Variants in EPN2 observed in about 807,000 individuals in gnomAD.
The protein encoded by EPN2 is epsin 2, also known as epsin-2.
A neutral mutation model predicts 61.7 loss-of-function variants in EPN2; 34 were observed. That is an observed-to-expected ratio of 0.55 (90% CI 0.42 to 0.73). EPN2 has a LOEUF of 0.73. Ranked by LOEUF, EPN2 falls within the 30% of genes least tolerant of loss-of-function variation. EPN2 has a pLI of 0.00. For missense variants in EPN2, 714 were observed against 839.2 expected (o/e 0.85, Z 1.84); for synonymous variants, 349 against 353.6 (o/e 0.99, Z 0.15).
At chr17:19,247,493 C>G (rs540559653) in intron 1 of EPN2, among the ~76,000 whole-genome samples, 20 of 152,298 alleles carry the variant, frequency 1.3e-4, no homozygotes, top group African/African-American at 4.8e-4. Context: ...AACAGTATCC[C>G]TAAGTGGAAG....
intron 1 of EPN2, among the ~76,000 whole-genome samples, chr17:19,248,059 T>C (rs758099640): frequency 6.6e-6 from 1 of 152,190 alleles, no homozygotes; most frequent in African/African-American, 2.4e-5. Flanking sequence ...GTTGAGAAGC[T>C]GAGCTGTGTG....
intron 4 of EPN2, among the ~76,000 whole-genome samples, chr17:19,286,717 A>G (rs1597995452): frequency 6.6e-6 from 1 of 152,270 alleles, no homozygotes; most frequent in East Asian, 1.9e-4. Flanking sequence ...TGACTTGGGT[A>G]TTTGTGTAAT....
chr17:19,307,269 T>C (rs1236617591), intron 4 of EPN2, among the ~76,000 whole-genome samples: 1 of 152,236 alleles, frequency 6.6e-6, no homozygotes, highest in Non-Finnish European at 1.5e-5. Flanking sequence ...GGGATTTGAC[T>C]TGATTTTATT....
chr17:19,284,436 G>C (rs574024054), intron 3 of EPN2, among the ~76,000 whole-genome samples: 190 of 152,246 alleles, frequency 1.2e-3, no homozygotes, highest in Non-Finnish European at 2.2e-3. Context: ...CATTGGAAGT[G>C]GTCCCCCAAC....
chr17:19,309,910 G>C lies in EPN2; in HGVS notation c.792G>C (p.Glu264Asp). The change falls in exon 5 of 11, where the codon GAG becomes GAC. Residue 264 changes from glutamate to aspartate, a missense_variant. By Grantham distance (45) the Glu-to-Asp change is conservative. Coordinates refer to ENST00000314728, the MANE Select transcript of EPN2 (RefSeq NM_014964.5). ...CCACCTCCCCGCGAGTGTCCTCCGA[G>C]CTGGAGCAAGCCCGGCCCCAGACTA... ...ARATSPRVSS[E>D]LEQARPQTSG... 6.2e-7 allele frequency: 1 copy of C among 1,608,716 alleles called. No homozygotes were observed. Among genetic ancestry groups the C allele is most frequent in the Non-Finnish European group, 8.5e-7 (1 of 1,180,010 alleles).
At chr17:19,303,796 TG>T (rs747838661) in intron 4 of EPN2, 48 of 152,198 alleles carry the variant, frequency 3.2e-4, no homozygotes, top group African/African-American at 1.1e-3. Context: ...TATATATATA[TG>T]TTCCTGTTAA....
chr17:19,250,214 C>A (rs766754669), intron 1 of EPN2, among the ~76,000 whole-genome samples: 1 of 152,004 alleles, frequency 6.6e-6, no homozygotes, highest in Non-Finnish European at 1.5e-5. Flanking sequence ...CCTGCCTCAG[C>A]CTCCCGAGTA....
chr17:19,278,225 C>T lies in EPN2; in HGVS notation c.-293-3730C>T, dbSNP rs187224677. Among the ~76,000 whole-genome samples, 9 of 152,246 alleles carry T rather than the reference C, an allele frequency of 5.9e-5. No individual in the cohort carries two copies. In the East Asian group the frequency reaches 1.5e-3, roughly 26 times the overall value. On this transcript the variant is annotated intron_variant, in intron 1 of 10. Coordinates refer to ENST00000314728, the MANE Select transcript of EPN2 (RefSeq NM_014964.5). ...TCCTGAGCTCAAGTGATCTGCCCGCCTCGGCTTCCCAAAGTGCTGGGATTA... is the reference window on the plus strand; with the variant it reads ...TCCTGAGCTCAAGTGATCTGCCCGCTTCGGCTTCCCAAAGTGCTGGGATTA...
At chr17:19,279,925 C>A (rs1204908675) in intron 1 of EPN2, 1 of 151,842 alleles carries the variant, frequency 6.6e-6, no homozygotes, top group Non-Finnish European at 1.5e-5. Flanking sequence ...CAACCTCCAC[C>A]TCTCGGGCTC....
intron 7 of EPN2, among the ~76,000 whole-genome samples, chr17:19,314,869 C>A (rs1321159377): frequency 1.3e-5 from 2 of 152,198 alleles, no homozygotes; most frequent in Non-Finnish European, 2.9e-5. Context: ...TAGACAGTGG[C>A]TTTGGCTTTA....
chr17:19,289,080 T>TG (rs2045433282), intron 4 of EPN2, among the ~76,000 whole-genome samples: 1 of 133,974 alleles, frequency 7.5e-6, no homozygotes, highest in African/African-American at 2.8e-5. Flanking sequence ...GTATGTTTTT[T>TG]TTTTTTTTTT....
chr17:19,313,359 C>G lies in EPN2; in HGVS notation c.1147+80C>G, dbSNP rs1490602136. The G allele has an allele frequency of 1.4e-5, 19 of 1,367,468 alleles. No homozygotes were observed. In the Admixed American group the frequency reaches 3.4e-4, roughly 25 times the overall value. The allele number at this position is 1,367,468 out of a possible 1,614,324, so 84.7% of individuals were successfully genotyped here. A position where few individuals can be genotyped will look rare whatever the true frequency, so the allele number is the denominator to read the frequency against. On this transcript the variant is annotated intron_variant, in intron 7 of 10. Coordinates refer to ENST00000314728, the MANE Select transcript of EPN2 (RefSeq NM_014964.5). ...GGGCAGTGCTTCTTGCTGTCTCTCA[C>G]CCACTTGGGTCTGGTCGATTGTGGT...
At chr17:19,268,460 C>T (rs2045222116) in intron 1 of EPN2, among the ~76,000 whole-genome samples, 1 of 152,116 alleles carries the variant, frequency 6.6e-6, no homozygotes, top group African/African-American at 2.4e-5. Context: ...TGGGCTCAGG[C>T]GATCCTCCAT....
At chr17:19,258,523 G>C (rs966231394) in intron 1 of EPN2, among the ~76,000 whole-genome samples, 1 of 152,160 alleles carries the variant, frequency 6.6e-6, no homozygotes, top group African/African-American at 2.4e-5. Context: ...AATTGGCAGT[G>C]GGTGTCAGCA....
chr17:19,327,245 CT>C (rs886091954), intron 7 of EPN2, among the ~76,000 whole-genome samples: 1 of 152,104 alleles, frequency 6.6e-6, no homozygotes, highest in Admixed American at 6.5e-5. Flanking sequence ...GGAATCATGA[CT>C]TTTTTTTCAT....
chr17:19,298,388 G>T (rs907707210), intron 4 of EPN2, among the ~76,000 whole-genome samples: 1 of 152,104 alleles, frequency 6.6e-6, no homozygotes, highest in East Asian at 1.9e-4. Flanking sequence ...TAGAGATGGG[G>T]TTTTGCCATT....
intron 7 of EPN2, among the ~76,000 whole-genome samples, chr17:19,322,774 T>A (rs1598022286): frequency 6.7e-6 from 1 of 149,952 alleles, no homozygotes; most frequent in Non-Finnish European, 1.5e-5. Context: ...GTGGCTGGTG[T>A]GGCTTAATAG....
chr17:19,294,056 C>G (rs945041138), intron 4 of EPN2, among the ~76,000 whole-genome samples: 4 of 151,176 alleles, frequency 2.6e-5, no homozygotes, highest in Admixed American at 2.6e-4. Flanking sequence ...CACCACTGTA[C>G]TCCAGCCTGG....
chr17:19,284,942 C>T (rs1020586140), intron 3 of EPN2, among the ~76,000 whole-genome samples: 1 of 152,196 alleles, frequency 6.6e-6, no homozygotes, highest in Non-Finnish European at 1.5e-5. Flanking sequence ...AAGGTTGTGA[C>T]CTTGGTTAAA....
Sources: allele counts gnomAD v4.1 joint callset (sites outside exome capture counted in the v4.1 genomes callset), GRCh38; gene constraint gnomAD v4.1.1; transcripts MANE v1.5; gene names NCBI Gene and HGNC (gene_info 2026-07-23, HGNC 2026-07-21).